The following RAB38 variants were observed in gnomAD, a reference collection of about 807,000 sequenced individuals.
RAB38 encodes the protein ras-related protein Rab-38.
In RAB38, 15 loss-of-function variants were observed where a neutral mutation model predicts 18.4. The observed-to-expected ratio is 0.82, with a 90% CI of 0.55 to 1.26. The LOEUF (loss-of-function observed/expected upper bound fraction) is 1.26, where lower values mean the gene tolerates loss of function less well. Ranked by LOEUF, RAB38 falls within the 50% of genes most tolerant of loss-of-function variation. RAB38 has a pLI of 0.00. For synonymous variants in RAB38, 101 were observed against 104.4 expected, an observed-to-expected ratio of 0.97 and a Z score of 0.20; for missense variants, 294 against 267.4, an observed-to-expected ratio of 1.10 and a Z score of -0.69.
the RAB38 span, among the ~76,000 whole-genome samples, chr11:88,071,775 T>C: frequency 6.6e-6 from 1 of 152,128 alleles, no homozygotes; most frequent in Admixed American, 6.5e-5. Flanking sequence ...ATGCAGCAAC[T>C]GATGAAAGCT....
the RAB38 span, among the ~76,000 whole-genome samples, chr11:87,854,968 G>A: frequency 4.6e-5 from 7 of 151,932 alleles, no homozygotes; most frequent in African/African-American, 1.7e-4. Context: ...CTAATTTTTT[G>A]TATTTTTTAG....
At chr11:88,045,717 G>A in the RAB38 span, among the ~76,000 whole-genome samples, 3 of 152,128 alleles carry the variant, frequency 2.0e-5, no homozygotes, top group Non-Finnish European at 4.4e-5. Context: ...TGCTTTAGGT[G>A]ACTCTCACAG....
At chr11:87,862,183 A>G in the RAB38 span, among the ~76,000 whole-genome samples, 1 of 151,860 alleles carries the variant, frequency 6.6e-6, no homozygotes, top group African/African-American at 2.4e-5. Flanking sequence ...AGGAATATCA[A>G]TTGTCTATAT....
At chr11:88,170,044 C>T (rs1401982867) in intron 1 of RAB38, among the ~76,000 whole-genome samples, 1 of 152,170 alleles carries the variant, frequency 6.6e-6, no homozygotes, top group Non-Finnish European at 1.5e-5. Context: ...TCTCAAATGC[C>T]TTAGCTTTCC....
the RAB38 span, among the ~76,000 whole-genome samples, chr11:88,047,663 C>T: frequency 2.0e-5 from 3 of 152,122 alleles, no homozygotes; most frequent in African/African-American, 2.4e-5. Context: ...TTCTCAAAGC[C>T]GCTTTACTTC....
chr11:88,022,611 C>CAAAA, the RAB38 span, among the ~76,000 whole-genome samples: 1,540 of 51,970 alleles, frequency 0.03, 60 homozygotes, highest in East Asian at 0.088. Context: ...AAAGACCCCA[C>CAAAA]AAAAAAAAAA....
chr11:87,956,990 G>GT, the RAB38 span, among the ~76,000 whole-genome samples: 2 of 151,310 alleles, frequency 1.3e-5, no homozygotes, highest in Non-Finnish European at 3.0e-5. Context: ...TTTTGGGGGG[G>GT]GGTCCTTGAG....
chr11:87,852,838 A>G, the RAB38 span, among the ~76,000 whole-genome samples: 1 of 152,078 alleles, frequency 6.6e-6, no homozygotes, highest in Non-Finnish European at 1.5e-5. Flanking sequence ...CCTCTTTTCA[A>G]ATTCCCATGG....
the RAB38 span, among the ~76,000 whole-genome samples, chr11:88,009,810 G>A: frequency 6.6e-6 from 1 of 152,096 alleles, no homozygotes; most frequent in Admixed American, 6.6e-5. Context: ...AGAGCATTTT[G>A]TCTGTGCTCT....
chr11:88,074,947 GA>G, the RAB38 span, among the ~76,000 whole-genome samples: 1 of 152,058 alleles, frequency 6.6e-6, no homozygotes, highest in Admixed American at 6.6e-5. Context: ...TAAACTATAA[GA>G]AGAGACAAAG....
the RAB38 span, among the ~76,000 whole-genome samples, chr11:87,975,468 A>G: frequency 6.6e-6 from 1 of 151,954 alleles, no homozygotes. Context: ...TGAAAATAAT[A>G]CCAGATAAAA....
At chr11:87,827,278 AT>A in the RAB38 span, among the ~76,000 whole-genome samples, 2 of 151,762 alleles carry the variant, frequency 1.3e-5, no homozygotes, top group African/African-American at 4.8e-5. Context: ...CAAAGTTTTT[AT>A]TTTTATTTTT....
chr11:88,012,395 TGGTAAGTAACGG>T, the RAB38 span, among the ~76,000 whole-genome samples: 1 of 152,168 alleles, frequency 6.6e-6, no homozygotes, highest in Non-Finnish European at 1.5e-5. Context: ...CCAGGATTGT[TGGTAAGTAACGG>T]GGAGGAAGAC....
chr11:87,858,512 A>G, the RAB38 span, among the ~76,000 whole-genome samples: 1 of 152,100 alleles, frequency 6.6e-6, no homozygotes, highest in Non-Finnish European at 1.5e-5. Context: ...TAAATTAGAA[A>G]GCCATTACGG....
chr11:88,067,072 T>A, the RAB38 span, among the ~76,000 whole-genome samples: 2 of 152,166 alleles, frequency 1.3e-5, no homozygotes, highest in African/African-American at 4.8e-5. Context: ...TGACTTTGGT[T>A]ATTATTAGTA....
At chr11:87,819,860 A>G in the RAB38 span, among the ~76,000 whole-genome samples, 2 of 151,362 alleles carry the variant, frequency 1.3e-5, no homozygotes, top group African/African-American at 4.9e-5. Flanking sequence ...AACAGTCTCT[A>G]TCTTCGAGAA....
At chr11:87,890,282 A>G in the RAB38 span, among the ~76,000 whole-genome samples, 1 of 151,890 alleles carries the variant, frequency 6.6e-6, no homozygotes, top group South Asian at 2.1e-4. Flanking sequence ...TATGTTGCCT[A>G]AGATTAAAAG....
chr11:87,867,166 G>T, the RAB38 span, among the ~76,000 whole-genome samples: 2 of 151,706 alleles, frequency 1.3e-5, no homozygotes, highest in African/African-American at 4.8e-5. Flanking sequence ...CACATGCTTG[G>T]CAGCAGACCA....
chr11:88,084,794 C>T, the RAB38 span, among the ~76,000 whole-genome samples: 1 of 151,706 alleles, frequency 6.6e-6, no homozygotes, highest in African/African-American at 2.4e-5. Flanking sequence ...GGGGGTGAGA[C>T]CACATCTTGG....
Sources: allele counts gnomAD v4.1 joint callset (sites outside exome capture counted in the v4.1 genomes callset), GRCh38; gene constraint gnomAD v4.1.1; transcripts MANE v1.5; gene names NCBI Gene and HGNC (gene_info 2026-07-23, HGNC 2026-07-21).